Variants in LAMA1 observed in about 807,000 individuals in gnomAD.
The protein encoded by LAMA1 is laminin subunit alpha-1.
In LAMA1, 219 loss-of-function variants were observed where a neutral mutation model predicts 348.7. The observed-to-expected ratio is 0.63, with a 90% CI of 0.56 to 0.70. The LOEUF (loss-of-function observed/expected upper bound fraction) is 0.70. LAMA1 is among the 30% of genes least tolerant of loss of function. The probability of loss-of-function intolerance (pLI) is 0.00; values close to 1 mark genes in which losing one functional copy is unlikely to be tolerated. For synonymous variants in LAMA1, 1,487 were observed against 1,491.0 expected (o/e 1.00, Z 0.06); for missense variants, 3,744 against 3,888.0 (o/e 0.96, Z 0.99).
chr18:6,966,724 G>C (rs2057634966), intron 48 of LAMA1, among the ~76,000 whole-genome samples: 1 of 152,138 alleles, frequency 6.6e-6, no homozygotes, highest in South Asian at 2.1e-4. Context: ...AGTTATGATG[G>C]AAAGCAAGTA....
At chr18:7,020,912 T>C (rs980983993) in intron 19 of LAMA1, among the ~76,000 whole-genome samples, 3 of 152,134 alleles carry the variant, frequency 2.0e-5, no homozygotes, top group East Asian at 3.9e-4. Context: ...ACTCCATGTC[T>C]GCACAAGTTG....
intron 1 of LAMA1, among the ~76,000 whole-genome samples, chr18:7,099,139 C>G (rs2058280304): frequency 6.6e-6 from 1 of 151,620 alleles, no homozygotes; most frequent in South Asian, 2.1e-4. Context: ...ATTCTTCTGC[C>G]TTGGGATCCT....
chr18:6,948,331 C>T, intron 60 of LAMA1, 72 bp downstream of exon 60: 1 of 1,593,376 alleles, frequency 6.3e-7, no homozygotes. Flanking sequence ...CTGTCTTATA[C>T]TCTTGGATCC....
intron 24 of LAMA1, 124 bp downstream of exon 24, chr18:7,011,871 T>A (rs2057861974): frequency 8.5e-7 from 1 of 1,172,554 alleles, no homozygotes. Context: ...CAAATTAGCT[T>A]CCTAGAATTT....
In LAMA1 at chr18:7,009,220, T is replaced by C. The variant is rs1187634990; in HGVS notation, c.4001+19A>G. 1 of 1,613,874 alleles carries C rather than the reference T, an allele frequency of 6.2e-7. No individual in the cohort carries two copies. Among genetic ancestry groups the C allele is most frequent in the East Asian group, 2.2e-5 (1 of 44,854 alleles). On this transcript the variant is annotated intron_variant, in intron 27 of 62. Transcript: ENST00000389658. ...TCAAATATGAAAATAACGGTCAAAA[T>C]TCTAGAAGCTCCAAGTACCTGCTCT...
intron 1 of LAMA1, among the ~76,000 whole-genome samples, chr18:7,089,062 T>C (rs1393964818): frequency 1.3e-5 from 2 of 151,202 alleles, no homozygotes; most frequent in Non-Finnish European, 2.9e-5. Flanking sequence ...GCCAAAGGGA[T>C]TAATTGGGAC....
At position 6,971,836 on chromosome 18, in the gene LAMA1, TA is replaced by T; in HGVS notation, c.6899+20del. 1.2e-6 allele frequency: 2 copies of T among 1,614,056 alleles called. No individual in the cohort carries two copies. The highest frequency in any genetic ancestry group is 2.2e-5 in the South Asian group (2 of 91,078). On this transcript the variant is annotated intron_variant, in intron 48 of 62. Coordinates refer to ENST00000389658, the MANE Select transcript of LAMA1 (RefSeq NM_005559.4). ...GTTAACAGAATAACATACTATGTGC[TA>T]AACCGTGACGACATCTTACCTTCCG...
At chr18:6,989,516 T>C (rs1053605454) in intron 36 of LAMA1, among the ~76,000 whole-genome samples, 3 of 152,212 alleles carry the variant, frequency 2.0e-5, no homozygotes, top group African/African-American at 7.2e-5. Flanking sequence ...AAATAATCCA[T>C]GTATTTTGAA....
At chr18:6,997,252 T>A (rs572068257) in intron 33 of LAMA1, among the ~76,000 whole-genome samples, 1 of 152,088 alleles carries the variant, frequency 6.6e-6, no homozygotes, top group Non-Finnish European at 1.5e-5. Context: ...TTGGTAGAGA[T>A]GGGGTTTCAC....
intron 41 of LAMA1, 67 bp downstream of exon 41, chr18:6,982,430 T>C (rs2057715813): frequency 1.6e-6 from 2 of 1,288,468 alleles, no homozygotes; most frequent in Admixed American, 1.7e-5. Flanking sequence ...AGAACATTCT[T>C]AGAGGCTGCT....
intron 42 of LAMA1, 105 bp from the exon 43 acceptor site, chr18:6,978,483 A>G (rs558689458): frequency 9.1e-7 from 1 of 1,101,236 alleles, no homozygotes; most frequent in Admixed American, 1.9e-5. Flanking sequence ...TTATTGTCAT[A>G]TTACTGATGC....
At chr18:7,070,060 C>T (rs1322190493) in intron 3 of LAMA1, among the ~76,000 whole-genome samples, 2 of 152,092 alleles carry the variant, frequency 1.3e-5, no homozygotes, top group South Asian at 2.1e-4. Context: ...AAAGAAAGAC[C>T]TATTTCTGAG....
At position 6,948,539 on chromosome 18, in the gene LAMA1, A is replaced by G; in HGVS notation, c.8574T>C (p.Pro2858=). The change falls in exon 60 of 63, where the codon CCT becomes CCC. Residue 2858 remains proline, a synonymous_variant. Transcript: ENST00000389658. ...RKIGNITHSI[P]ACIGDVTVNS... ...TAACCGTCACATCCCCAATGCAGGC[A>G]GGGATGCTGTGGGTGATCTAAGCCA... is the stretch of plus-strand genomic sequence containing the variant. The G allele has an allele frequency of 1.9e-6, 3 of 1,614,230 alleles. No individual in the cohort carries two copies. Among genetic ancestry groups the G allele is most frequent in the Non-Finnish European group, 2.5e-6 (3 of 1,180,050 alleles).
At chr18:7,065,029 C>A (rs2058116898) in intron 3 of LAMA1, among the ~76,000 whole-genome samples, 1 of 151,620 alleles carries the variant, frequency 6.6e-6, no homozygotes, top group South Asian at 2.1e-4. Context: ...GTCAGGAGAT[C>A]AAGACCATCC....
Position 7,009,322 on chromosome 18 carries a change from C to T in LAMA1, c.3918G>A (p.Thr1306=), listed in dbSNP as rs754627841. The T allele has an allele frequency of 4.5e-5, 73 of 1,613,888 alleles. No individual in the cohort carries two copies. Among genetic ancestry groups the T allele is most frequent in the Middle Eastern group, 1.6e-4 (1 of 6,084 alleles). Residue 1306 remains threonine (T), a synonymous_variant, in exon 27 of 63, where the codon ACG becomes ACA. Transcript: ENST00000389658. ...YFNSVSEKPV[T]REDFMSVLSD... ...TGAGGACAGACATAAAATCCTCTCG[C>T]GTGACAGGTTTTTCAGAAACAGAGT... is the stretch of plus-strand genomic sequence containing the variant.
chr18:7,085,495 T>C (rs2058211999), intron 1 of LAMA1, among the ~76,000 whole-genome samples: 1 of 144,306 alleles, frequency 6.9e-6, no homozygotes, highest in African/African-American at 2.6e-5. Flanking sequence ...CTCCGCTCAC[T>C]GCAAGCTCCA....
In LAMA1 at chr18:7,009,335, T is replaced by A. The variant is rs777615838; in HGVS notation, c.3905A>T (p.Glu1302Val). 1 of 1,614,150 alleles carries A rather than the reference T, an allele frequency of 6.2e-7. No homozygotes were observed. The highest frequency in any genetic ancestry group is 8.5e-7 in the Non-Finnish European group (1 of 1,180,012). Residue 1302 changes from glutamate (E) to valine (V), a missense_variant, in exon 27 of 63, where the codon GAA (glutamate) becomes GTA (valine). By Grantham distance (121) the Glu-to-Val change is moderately radical. This residue lies in a region of LAMA1 where 1,983 missense variants were observed against 1,934.3 expected (regional missense o/e 1.03). Transcript: ENST00000389658. ...AAAATCCTCTCGCGTGACAGGTTTT[T>A]CAGAAACAGAGTTAAAATATTTCCA... is the stretch of plus-strand genomic sequence containing the variant. ...NFWKYFNSVS[E>V]KPVTREDFMS...
At chr18:7,085,785 T>C (rs1336508335) in intron 1 of LAMA1, among the ~76,000 whole-genome samples, 1 of 152,178 alleles carries the variant, frequency 6.6e-6, no homozygotes, top group Non-Finnish European at 1.5e-5. Flanking sequence ...AAGTCTGGTA[T>C]TAGAAAGAAG....
intron 55 of LAMA1, chr18:6,957,516 C>T (rs1488543211): frequency 6.6e-6 from 1 of 152,420 alleles, no homozygotes; most frequent in Non-Finnish European, 1.5e-5. Context: ...CAGATAAGGA[C>T]ACTGTGACCA....
Sources: allele counts gnomAD v4.1 joint callset (sites outside exome capture counted in the v4.1 genomes callset), GRCh38; gene constraint gnomAD v4.1.1; regional missense constraint gnomAD v4.1.1; transcripts MANE v1.5; gene names NCBI Gene and HGNC (gene_info 2026-07-23, HGNC 2026-07-21).